The following SLC9D1 variants were observed in gnomAD, a reference collection of about 807,000 sequenced individuals.
SLC9D1 encodes putative LAG1-interacting protein.
At chr13:113,539,450 G>C in the SLC9D1 span, 1 of 1,613,538 alleles carries the variant, frequency 6.2e-7, no homozygotes, top group East Asian at 2.2e-5. This position sits in a 1 kb window ranked among gnomAD's most constrained non-coding sequence, Gnocchi z 4.8. Flanking sequence ...CGAGGAGATC[G>C]CCACCTCCAT....
the SLC9D1 span, among the ~76,000 whole-genome samples, chr13:113,531,669 T>G: frequency 5.0e-4 from 74 of 149,416 alleles, no homozygotes; most frequent in Middle Eastern, 3.8e-3. Context: ...CGTGTGGACC[T>G]GCAGGTGACA....
chr13:113,533,544 G>A, the SLC9D1 span, among the ~76,000 whole-genome samples: 2 of 152,178 alleles, frequency 1.3e-5, no homozygotes, highest in Non-Finnish European at 2.9e-5. Flanking sequence ...TGAGATCTGG[G>A]TAGTATATTC....
At chr13:113,543,682 T>C in the SLC9D1 span, among the ~76,000 whole-genome samples, 30 of 150,336 alleles carry the variant, frequency 2.0e-4, no homozygotes, top group African/African-American at 7.1e-4. Context: ...AGCCCCAGGC[T>C]GCCCTGGCCG....
the SLC9D1 span, among the ~76,000 whole-genome samples, chr13:113,521,368 GGTGT>G: frequency 2.0e-5 from 3 of 150,302 alleles, no homozygotes; most frequent in Admixed American, 6.6e-5. Context: ...ATGCATGTGT[GGTGT>G]GTGTGTGTGT....
chr13:113,520,605 TC>T, the SLC9D1 span: 4 of 1,600,658 alleles, frequency 2.5e-6, no homozygotes, highest in East Asian at 4.5e-5. Flanking sequence ...TCAATGCCTT[TC>T]CCCCCACAGG....
the SLC9D1 span, chr13:113,498,209 T>A: frequency 4.6e-6 from 3 of 650,094 alleles, no homozygotes; most frequent in Non-Finnish European, 7.2e-6. Context: ...ACACGTGACT[T>A]CCCTAGCTGA....
chr13:113,548,247 G>GT, the SLC9D1 span: 1 of 1,597,500 alleles, frequency 6.3e-7, no homozygotes, highest in Non-Finnish European at 8.5e-7. Context: ...TTTCGTGTGT[G>GT]TTTAACTCTG....
chr13:113,544,762 G>C, the SLC9D1 span, among the ~76,000 whole-genome samples: 1 of 152,210 alleles, frequency 6.6e-6, no homozygotes, highest in Non-Finnish European at 1.5e-5. Flanking sequence ...AGGTTCTCAC[G>C]CATGTGGCCT....
the SLC9D1 span, chr13:113,510,506 G>A: frequency 7.2e-6 from 10 of 1,390,136 alleles, no homozygotes; most frequent in Non-Finnish European, 9.9e-6. Context: ...GAGGGCATGT[G>A]AGGAAAAATT....
At chr13:113,539,744 A>C in the SLC9D1 span, among the ~76,000 whole-genome samples, 1 of 152,102 alleles carries the variant, frequency 6.6e-6, no homozygotes, top group Non-Finnish European at 1.5e-5. This position sits in a 1 kb window ranked among gnomAD's most constrained non-coding sequence, Gnocchi z 4.8. Context: ...CTTTAGGCTC[A>C]GGGTACGTGT....
the SLC9D1 span, chr13:113,529,891 AT>A: frequency 6.6e-6 from 1 of 152,250 alleles, no homozygotes; most frequent in Admixed American, 6.5e-5. Context: ...ATTTTATTGT[AT>A]GAGAGTTTCA....
chr13:113,498,677 G>C, the SLC9D1 span: 1 of 578,446 alleles, frequency 1.7e-6, no homozygotes, highest in Non-Finnish European at 2.9e-6. Flanking sequence ...ATTTGGTCTT[G>C]TAGAAGTAAG....
chr13:113,550,050 A>G, the SLC9D1 span: 3 of 201,654 alleles, frequency 1.5e-5, no homozygotes, highest in Admixed American at 1.6e-4. Context: ...AATGAGACAA[A>G]TACGGATGTC....
At chr13:113,517,438 C>T in the SLC9D1 span, among the ~76,000 whole-genome samples, 48 of 152,202 alleles carry the variant, frequency 3.2e-4, no homozygotes, top group African/African-American at 1.1e-3. Flanking sequence ...CCGTGTTAGC[C>T]AGGATGGTCT....
the SLC9D1 span, among the ~76,000 whole-genome samples, chr13:113,533,520 A>G: frequency 4.2e-4 from 64 of 152,328 alleles, no homozygotes; most frequent in African/African-American, 1.4e-3. Context: ...GCTGGCTGAG[A>G]TGGTGATCTA....
the SLC9D1 span, chr13:113,530,504 A>T: frequency 6.6e-6 from 1 of 152,194 alleles, no homozygotes; most frequent in Non-Finnish European, 1.5e-5. Flanking sequence ...GTAGATTTGT[A>T]CTAAGTTTTT....
the SLC9D1 span, among the ~76,000 whole-genome samples, chr13:113,532,599 C>T: frequency 3.3e-5 from 5 of 152,128 alleles, no homozygotes; most frequent in Admixed American, 1.3e-4. Context: ...GCAGGGACCA[C>T]GGTGCTGGGC....
chr13:113,522,629 C>A, the SLC9D1 span, among the ~76,000 whole-genome samples: 1 of 152,026 alleles, frequency 6.6e-6, no homozygotes, highest in African/African-American at 2.4e-5. Flanking sequence ...CGTGAGCAAC[C>A]GCGCCCGGCT....
At chr13:113,499,175 C>T in the SLC9D1 span, among the ~76,000 whole-genome samples, 1 of 152,190 alleles carries the variant, frequency 6.6e-6, no homozygotes, top group Admixed American at 6.5e-5. Flanking sequence ...TGTCATTCCA[C>T]ATGCTAATGG....
Sources: gnomAD v4.1 joint callset for allele counts (sites outside exome capture counted in the v4.1 genomes callset) on GRCh38, gnomAD v4.1.1 for gene constraint, Gnocchi (gnomAD v3.1) non-coding constraint, MANE v1.5 for transcripts, NCBI Gene and HGNC (gene_info 2026-07-23, HGNC 2026-07-21) for gene names.